Variants in ARHGAP26 observed in about 807,000 individuals in gnomAD.
ARHGAP26 encodes rho GTPase-activating protein 26.
Under a neutral mutation model 104.8 loss-of-function variants are expected in ARHGAP26, and 38 were observed. The observed-to-expected ratio is 0.36, with a 90% CI of 0.28 to 0.48. The LOEUF (loss-of-function observed/expected upper bound fraction) is 0.48, where lower values mean the gene tolerates loss of function less well. ARHGAP26 is among the 20% of genes least tolerant of loss of function. The probability of loss-of-function intolerance (pLI) is 0.99; values close to 1 mark genes in which losing one functional copy is unlikely to be tolerated. For synonymous variants in ARHGAP26, 341 were observed against 340.0 expected (o/e 1.00, Z -0.03); for missense variants, 704 against 947.9 (o/e 0.74, Z 3.38).
intron 11 of ARHGAP26, among the ~76,000 whole-genome samples, chr5:142,980,888 A>G (rs1054343455): frequency 1.3e-5 from 2 of 152,160 alleles, no homozygotes; most frequent in East Asian, 1.9e-4. Flanking sequence ...GCCCTCACCT[A>G]TGCTTGGAAT....
chr5:143,219,058 C>T (rs569825924), intron 22 of ARHGAP26, among the ~76,000 whole-genome samples: 1 of 152,352 alleles, frequency 6.6e-6, no homozygotes, highest in Non-Finnish European at 1.5e-5. Context: ...GGGTCTGCCA[C>T]CTGGCATGTG....
chr5:142,871,268 C>T lies in ARHGAP26; in HGVS notation c.155-2132C>T, dbSNP rs758844644. On this transcript the variant is annotated intron_variant, in intron 1 of 22. Coordinates refer to ENST00000645722, the MANE Select transcript of ARHGAP26 (RefSeq NM_001135608.3). The surrounding 1 kb of genome is among the most constrained non-coding windows in gnomAD (Gnocchi z 4.1). Reference sequence around the variant, plus strand: ...CCCTGCCCTGGTTCAATGGGTGCCCCTGTGCAGAAGCCTCACAAAGGCCCC... The same window carrying T: ...CCCTGCCCTGGTTCAATGGGTGCCCTTGTGCAGAAGCCTCACAAAGGCCCC... 6.6e-6 allele frequency among the ~76,000 whole-genome samples: 1 copy of T among 152,202 alleles called. No individual in the cohort carries two copies. The highest frequency in any genetic ancestry group is 1.5e-5 in the Non-Finnish European group (1 of 68,038).
intron 17 of ARHGAP26, among the ~76,000 whole-genome samples, chr5:143,065,206 A>G (rs1787307062): frequency 1.3e-5 from 2 of 152,022 alleles, no homozygotes; most frequent in African/African-American, 4.8e-5. Flanking sequence ...CAGAGCTTAG[A>G]TTTCTTATAC....
intron 1 of ARHGAP26, among the ~76,000 whole-genome samples, chr5:142,808,403 A>G (rs1178761422): frequency 5.3e-5 from 8 of 151,682 alleles, no homozygotes; most frequent in South Asian, 2.1e-4. Flanking sequence ...GTTTAGTAGT[A>G]ATTTCTGCAT....
At chr5:142,845,985 C>G (rs542555534) in intron 1 of ARHGAP26, among the ~76,000 whole-genome samples, 58 of 152,292 alleles carry the variant, frequency 3.8e-4, no homozygotes, top group Admixed American at 6.5e-4. Flanking sequence ...CCTGTGAGAC[C>G]AATCACGTTT....
chr5:143,058,020 A>G (rs1318400843), intron 17 of ARHGAP26: 1 of 613,578 alleles, frequency 1.6e-6, no homozygotes, highest in Non-Finnish European at 3.1e-6. Context: ...ATCAAGGGCA[A>G]ATTGGAGTGT....
intron 5 of ARHGAP26, among the ~76,000 whole-genome samples, chr5:142,890,286 G>A (rs1183703576): frequency 6.7e-6 from 1 of 148,548 alleles, no homozygotes. Context: ...AAGTTAAAAT[G>A]TGTGTTTATC....
intron 11 of ARHGAP26, among the ~76,000 whole-genome samples, chr5:142,988,624 G>A (rs1006182454): frequency 3.9e-5 from 6 of 152,044 alleles, no homozygotes; most frequent in Non-Finnish European, 5.9e-5. Flanking sequence ...TCTTGTGGGC[G>A]TTTAGTGCTA....
At chr5:143,093,658 T>C (rs963033789) in intron 17 of ARHGAP26, among the ~76,000 whole-genome samples, 1 of 150,664 alleles carries the variant, frequency 6.6e-6, no homozygotes, top group African/African-American at 2.4e-5. Context: ...CTTTCTTTCC[T>C]CTCTCTCTCT....
At chr5:142,914,104 A>C (rs977939114) in intron 10 of ARHGAP26, among the ~76,000 whole-genome samples, 2 of 152,178 alleles carry the variant, frequency 1.3e-5, no homozygotes, top group Non-Finnish European at 2.9e-5. Flanking sequence ...ATACCATTTC[A>C]TCAAGCCAGT....
chr5:142,887,287 C>G (rs1757851394), intron 5 of ARHGAP26, among the ~76,000 whole-genome samples: 2 of 152,122 alleles, frequency 1.3e-5, no homozygotes. Context: ...TACCTTGCCT[C>G]AAAACCTTCT....
At chr5:142,809,300 G>T (rs1333092708) in intron 1 of ARHGAP26, among the ~76,000 whole-genome samples, 1 of 152,010 alleles carries the variant, frequency 6.6e-6, no homozygotes, top group Non-Finnish European at 1.5e-5. Flanking sequence ...GAAAAGAAAA[G>T]AAAAAAATAT....
chr5:143,013,823 T>G (rs1779207756), intron 11 of ARHGAP26, among the ~76,000 whole-genome samples: 2 of 152,254 alleles, frequency 1.3e-5, no homozygotes, highest in African/African-American at 4.8e-5. Flanking sequence ...ATACATTTAC[T>G]TGCTTTCTTA....
intron 1 of ARHGAP26, among the ~76,000 whole-genome samples, chr5:142,865,979 T>C (rs1206275029): frequency 6.6e-6 from 1 of 152,132 alleles, no homozygotes; most frequent in East Asian, 1.9e-4. Flanking sequence ...CATATCCAAA[T>C]AGGACTGAAC....
intron 11 of ARHGAP26, among the ~76,000 whole-genome samples, chr5:142,953,329 A>G (rs2152621479): frequency 6.6e-6 from 1 of 152,312 alleles, no homozygotes; most frequent in East Asian, 1.9e-4. Flanking sequence ...GGTCACCTGC[A>G]CTTATGCCGT....
intron 17 of ARHGAP26, among the ~76,000 whole-genome samples, chr5:143,092,045 T>G (rs1243221435): frequency 6.6e-6 from 1 of 152,234 alleles, no homozygotes; most frequent in East Asian, 1.9e-4. Context: ...CTAATTACTT[T>G]TAAATTATAC....
intron 1 of ARHGAP26, among the ~76,000 whole-genome samples, chr5:142,858,590 CTTAT>C (rs1213074223): frequency 1.3e-5 from 2 of 152,268 alleles, no homozygotes; most frequent in African/African-American, 4.8e-5. Flanking sequence ...TATTTGCTTG[CTTAT>C]TTATTTATTT....
intron 17 of ARHGAP26, among the ~76,000 whole-genome samples, chr5:143,105,094 G>A (rs116800043): frequency 0.011 from 1,672 of 152,194 alleles, 20 homozygotes; most frequent in African/African-American, 0.029. Flanking sequence ...AGGCCTAATC[G>A]GCTGGGTGTG....
At chr5:142,872,605 C>G (rs1412108082) in intron 1 of ARHGAP26, among the ~76,000 whole-genome samples, 1 of 152,250 alleles carries the variant, frequency 6.6e-6, no homozygotes, top group African/African-American at 2.4e-5. Context: ...GGAAGGATCA[C>G]TGGCTTTCAT....
Sources: gnomAD v4.1 joint callset for allele counts (sites outside exome capture counted in the v4.1 genomes callset) on GRCh38, gnomAD v4.1.1 for gene constraint, Gnocchi (gnomAD v3.1) non-coding constraint, MANE v1.5 for transcripts, NCBI Gene and HGNC (gene_info 2026-07-23, HGNC 2026-07-21) for gene names.